The following GRIP1 variants were observed in gnomAD, a reference collection of about 807,000 sequenced individuals.
GRIP1 encodes the protein glutamate receptor interacting protein 1.
In GRIP1, 45 loss-of-function variants were observed where a neutral mutation model predicts 129.9. The ratio of observed to expected loss-of-function variants is 0.35; its 90% CI spans 0.27 to 0.44. The LOEUF is 0.44. GRIP1 is among the 20% of genes least tolerant of loss of function. The pLI, the probability that GRIP1 is intolerant of heterozygous loss-of-function variation, is 1.00. For missense variants in GRIP1, 1,196 were observed against 1,396.8 expected (o/e 0.86, Z 2.29); for synonymous variants, 530 against 520.8 (o/e 1.02, Z -0.24).
chr12:66,566,746 C>G (rs2062774540), intron 2 of GRIP1, among the ~76,000 whole-genome samples: 1 of 152,078 alleles, frequency 6.6e-6, no homozygotes, highest in Non-Finnish European at 1.5e-5. Context: ...GTGAATCCGT[C>G]TTCCAAAAAA....
rs968249877 is a variant in GRIP1 at position 66,515,667 on chromosome 12, A to G, written c.676T>C (p.Cys226Arg). 1 of 1,613,560 alleles carries G rather than the reference A, an allele frequency of 6.2e-7. No individual in the cohort carries two copies. Among genetic ancestry groups the G allele is most frequent in the Non-Finnish European group, 8.5e-7 (1 of 1,179,560 alleles). Residue 226 changes from cysteine (C) to arginine (R), a missense_variant, in exon 7 of 25, where the codon TGT (cysteine) becomes CGT (arginine). Around this residue, in one of 5 missense-constraint regions of GRIP1, gnomAD observed 508 missense variants for 587.0 expected, o/e 0.87. Transcript: ENST00000359742. ...ATCAGCAGTGCTGCTTCTTGTCCACATTGTTTAAGAATACTCATGGCTTCA... is the reference window on the plus strand; with the variant it reads ...ATCAGCAGTGCTGCTTCTTGTCCACGTTGTTTAAGAATACTCATGGCTTCA... ...HAEAMSILKQ[C>R]GQEAALLIEY...
At chr12:66,668,451 T>C (rs1379264263) in intron 1 of GRIP1, among the ~76,000 whole-genome samples, 1 of 152,200 alleles carries the variant, frequency 6.6e-6, no homozygotes, top group Non-Finnish European at 1.5e-5. Flanking sequence ...GAATTAACAA[T>C]AGTTTGTCCT....
chr12:66,732,494 AG>A (rs2036470276), intron 1 of GRIP1, among the ~76,000 whole-genome samples: 1 of 152,078 alleles, frequency 6.6e-6, no homozygotes, highest in Non-Finnish European at 1.5e-5. Context: ...TTGAGGCTGC[AG>A]TGAGCTGTGA....
At chr12:67,040,504 A>G (rs912635289) in intron 1 of GRIP1, among the ~76,000 whole-genome samples, 2 of 152,214 alleles carry the variant, frequency 1.3e-5, no homozygotes, top group African/African-American at 4.8e-5. Context: ...TTGCAGTCAC[A>G]GAGAGTCCTT....
chr12:67,051,539 A>C (rs770632344), intron 1 of GRIP1, among the ~76,000 whole-genome samples: 1 of 152,244 alleles, frequency 6.6e-6, no homozygotes, highest in Non-Finnish European at 1.5e-5. Flanking sequence ...TAACAAAGGA[A>C]GTTCCCCAGG....
chr12:66,829,529 C>T (rs73132967), intron 1 of GRIP1, among the ~76,000 whole-genome samples: 3,906 of 152,230 alleles, frequency 0.026, 72 homozygotes, highest in Non-Finnish European at 0.042. Context: ...GCCCCTAACC[C>T]TTGATCCTTC....
At chr12:66,830,150 T>C (rs1156456181) in intron 1 of GRIP1, among the ~76,000 whole-genome samples, 2 of 152,152 alleles carry the variant, frequency 1.3e-5, no homozygotes, top group Non-Finnish European at 2.9e-5. Flanking sequence ...TCCACTAACA[T>C]GTTAGTCCCT....
intron 1 of GRIP1, among the ~76,000 whole-genome samples, chr12:66,659,198 A>T (rs2033350081): frequency 6.6e-6 from 1 of 152,162 alleles, no homozygotes; most frequent in Admixed American, 6.5e-5. Flanking sequence ...ACTCCATTTC[A>T]AATAGCGCTT....
intron 1 of GRIP1, among the ~76,000 whole-genome samples, chr12:66,862,198 A>T (rs1361195208): frequency 6.6e-6 from 1 of 152,118 alleles, no homozygotes; most frequent in Non-Finnish European, 1.5e-5. Context: ...AATGACTCCT[A>T]GACTGGCTCT....
intron 1 of GRIP1, among the ~76,000 whole-genome samples, chr12:67,012,233 C>A (rs1453003981): frequency 6.6e-6 from 1 of 152,162 alleles, no homozygotes; most frequent in Non-Finnish European, 1.5e-5. Context: ...GTTCTACCAA[C>A]CCTACAGAAT....
At chr12:66,676,809 A>G (rs1156726713) in intron 1 of GRIP1, among the ~76,000 whole-genome samples, 1 of 152,092 alleles carries the variant, frequency 6.6e-6, no homozygotes, top group Non-Finnish European at 1.5e-5. Flanking sequence ...GTAATTACAT[A>G]TGTTTCCTGG....
intron 13 of GRIP1, among the ~76,000 whole-genome samples, chr12:66,441,454 C>G (rs1360999135): frequency 6.6e-6 from 1 of 152,108 alleles, no homozygotes; most frequent in South Asian, 2.1e-4. Context: ...GTTGGTTATT[C>G]CTCGGTCTTG....
chr12:66,733,675 AT>A (rs2036508906), intron 1 of GRIP1, among the ~76,000 whole-genome samples: 2 of 152,150 alleles, frequency 1.3e-5, no homozygotes. Flanking sequence ...AATCAACTAA[AT>A]TTTTAAAGCC....
At chr12:67,063,109 A>G (rs2043563609) in intron 1 of GRIP1, among the ~76,000 whole-genome samples, 1 of 152,178 alleles carries the variant, frequency 6.6e-6, no homozygotes, top group Non-Finnish European at 1.5e-5. Context: ...CTCATCTTAA[A>G]GTAGAGAAAA....
intron 1 of GRIP1, among the ~76,000 whole-genome samples, chr12:66,889,034 C>T (rs1236544294): frequency 2.6e-5 from 4 of 152,198 alleles, no homozygotes; most frequent in African/African-American, 7.2e-5. Flanking sequence ...TAAGAAGTTA[C>T]ATGATTTGTC....
At chr12:66,672,781 G>A (rs142094878) in intron 1 of GRIP1, among the ~76,000 whole-genome samples, 14 of 152,132 alleles carry the variant, frequency 9.2e-5, no homozygotes, top group Middle Eastern at 6.8e-3. Flanking sequence ...ACTAATATAA[G>A]AATTTCAAAT....
At chr12:67,053,966 A>G (rs2043390299) in intron 1 of GRIP1, among the ~76,000 whole-genome samples, 1 of 152,258 alleles carries the variant, frequency 6.6e-6, no homozygotes. Context: ...GGCAGTTTTC[A>G]AGGACCACTC....
At chr12:66,562,078 A>G (rs1248885640) in intron 2 of GRIP1, among the ~76,000 whole-genome samples, 1 of 152,204 alleles carries the variant, frequency 6.6e-6, no homozygotes, top group Non-Finnish European at 1.5e-5. Context: ...ACAGCACTCC[A>G]GCCTGGGTCA....
At chr12:66,473,300 T>A (rs886536383) in intron 7 of GRIP1, among the ~76,000 whole-genome samples, 2 of 152,160 alleles carry the variant, frequency 1.3e-5, no homozygotes, top group Admixed American at 6.5e-5. Context: ...GGGCAGGGCA[T>A]CTCTGAAAGA....
Sources: gnomAD v4.1 joint callset for allele counts (sites outside exome capture counted in the v4.1 genomes callset) on GRCh38, gnomAD v4.1.1 for gene constraint, gnomAD v4.1.1 regional missense constraint, MANE v1.5 for transcripts, NCBI Gene and HGNC (gene_info 2026-07-23, HGNC 2026-07-21) for gene names.